SEMA6D: variants seen among roughly 807,000 people sequenced by gnomAD.
SEMA6D encodes semaphorin 6D.
A neutral mutation model predicts 106.6 loss-of-function variants in SEMA6D; 35 were observed. The ratio of observed to expected loss-of-function variants is 0.33; its 90% CI spans 0.25 to 0.44. The LOEUF (loss-of-function observed/expected upper bound fraction) is 0.44. SEMA6D is among the 20% of genes least tolerant of loss of function. SEMA6D has a pLI of 1.00. For missense variants in SEMA6D, 1,185 were observed against 1,345.9 expected, an observed-to-expected ratio of 0.88 and a Z score of 1.87; for synonymous variants, 499 against 487.7, an observed-to-expected ratio of 1.02 and a Z score of -0.31.
At chr15:47,323,811 ATAAT>A (rs1330697447) in intron 1 of SEMA6D, among the ~76,000 whole-genome samples, 4 of 152,286 alleles carry the variant, frequency 2.6e-5, no homozygotes, top group Admixed American at 1.3e-4. Context: ...AGAAATGAAA[ATAAT>A]TAACCTGTTT....
At chr15:47,683,056 CATATTTTTT>C (rs1267025092) in intron 4 of SEMA6D, among the ~76,000 whole-genome samples, 1 of 152,184 alleles carries the variant, frequency 6.6e-6, no homozygotes, top group Non-Finnish European at 1.5e-5. Context: ...AGTCTGTGCA[CATATTTTTT>C]ATATTTTTTA....
At chr15:47,293,296 T>C (rs546987634) in intron 1 of SEMA6D, among the ~76,000 whole-genome samples, 3 of 152,322 alleles carry the variant, frequency 2.0e-5, no homozygotes, top group Admixed American at 2.0e-4. Flanking sequence ...AGCTTTTCAC[T>C]GTTTCCCTAG....
At chr15:47,689,812 G>T (rs902417963) in intron 4 of SEMA6D, among the ~76,000 whole-genome samples, 1 of 152,198 alleles carries the variant, frequency 6.6e-6, no homozygotes, top group Non-Finnish European at 1.5e-5. Context: ...TCTCCGCAGA[G>T]GACTGACTTC....
chr15:47,224,432 A>C (rs1417990125), intron 1 of SEMA6D, among the ~76,000 whole-genome samples: 1 of 152,016 alleles, frequency 6.6e-6, no homozygotes, highest in East Asian at 1.9e-4. Context: ...CTTTTCATAT[A>C]ATAGCTAACT....
rs544002669 is a variant in SEMA6D at position 47,209,280 on chromosome 15, G to A, written c.-239+24862G>A. Among the ~76,000 whole-genome samples, 12 of 152,154 alleles carry A rather than the reference G, an allele frequency of 7.9e-5. No individual in the cohort carries two copies. In the South Asian group the frequency reaches 1.0e-3, roughly 13 times the overall value. On this transcript the variant is annotated intron_variant, in intron 1 of 19. Transcript: ENST00000558014. ...TTTATCTACTTAGAATCTGCAACACGTGAATGTACACTGAATTACCAATAA... is the reference window on the plus strand; with the variant it reads ...TTTATCTACTTAGAATCTGCAACACATGAATGTACACTGAATTACCAATAA...
intron 3 of SEMA6D, among the ~76,000 whole-genome samples, chr15:47,485,074 C>T (rs1281636018): frequency 6.6e-6 from 1 of 152,144 alleles, no homozygotes; most frequent in Admixed American, 6.5e-5. Context: ...CTTTAGAGAA[C>T]ACTTCAAATT....
rs987763997 is a variant in SEMA6D at position 47,615,228 on chromosome 15, C to T, written c.-55+14332C>T. 2.0e-5 allele frequency among the ~76,000 whole-genome samples: 3 copies of T among 152,264 alleles called. No homozygotes were observed. The East Asian group carries it at 5.8e-4, about 29-fold the overall frequency. On this transcript the variant is annotated intron_variant, in intron 4 of 19. Coordinates refer to the SEMA6D transcript ENST00000558014. ...TGCAAATAAAAACAATGCAGTATCA[C>T]TATTTACATAGCATTTACATTGTAT...
At chr15:47,311,769 A>G (rs957224278) in intron 1 of SEMA6D, among the ~76,000 whole-genome samples, 3 of 152,126 alleles carry the variant, frequency 2.0e-5, no homozygotes, top group African/African-American at 7.2e-5. Context: ...GGCTGTTCAT[A>G]TTTCGTCCTT....
At chr15:47,549,774 A>G (rs963076933) in intron 3 of SEMA6D, among the ~76,000 whole-genome samples, 1 of 152,186 alleles carries the variant, frequency 6.6e-6, no homozygotes, top group Non-Finnish European at 1.5e-5. Flanking sequence ...GATTTGTACA[A>G]ACCTTCCTGT....
At chr15:47,653,859 G>C (rs554169199) in intron 4 of SEMA6D, among the ~76,000 whole-genome samples, 1 of 152,292 alleles carries the variant, frequency 6.6e-6, no homozygotes, top group South Asian at 2.1e-4. Flanking sequence ...AGGGATTAAA[G>C]GCCCTTGCCG....
At chr15:47,424,883 A>G (rs980715428) in intron 2 of SEMA6D, among the ~76,000 whole-genome samples, 3 of 152,136 alleles carry the variant, frequency 2.0e-5, no homozygotes, top group African/African-American at 7.2e-5. Flanking sequence ...TGAGGCTTAC[A>G]TAGCCTCTTA....
chr15:47,340,566 A>G (rs1050665373), intron 1 of SEMA6D, among the ~76,000 whole-genome samples: 28 of 152,224 alleles, frequency 1.8e-4, no homozygotes, highest in African/African-American at 6.5e-4. Flanking sequence ...ATAGTTAAAA[A>G]AAATCATTCT....
At chr15:47,707,344 A>G (rs8024211) in intron 4 of SEMA6D, among the ~76,000 whole-genome samples, 9,771 of 152,318 alleles carry the variant, frequency 0.064, 427 homozygotes, top group Middle Eastern at 0.12. Context: ...TCTACACCAC[A>G]CTAAGACCAA....
rs149916534 is a variant in SEMA6D, at chr15:47,447,994, A to T, written c.-158-22480A>T. On this transcript the variant is annotated intron_variant, in intron 2 of 19. Transcript: ENST00000558014. ...AGTTTTCTTTATTGATGGTTGTGGT[A>T]CAACATCAGAGGAAAAGCAGTTTGG... is the stretch of plus-strand genomic sequence containing the variant. Among the ~76,000 whole-genome samples, 267 of 152,276 alleles carry T rather than the reference A, an allele frequency of 1.8e-3. 2 individuals are homozygous for T. The highest frequency in any genetic ancestry group is 6.2e-3 in the African/African-American group (256 of 41,570).
chr15:47,561,722 C>T (rs1240484209), intron 3 of SEMA6D, among the ~76,000 whole-genome samples: 1 of 149,834 alleles, frequency 6.7e-6, no homozygotes, highest in African/African-American at 2.5e-5. Context: ...ATGTGTTTTT[C>T]AATTTCTTAT....
chr15:47,650,697 G>T (rs1168460051), intron 4 of SEMA6D, among the ~76,000 whole-genome samples: 1 of 152,146 alleles, frequency 6.6e-6, no homozygotes, highest in Non-Finnish European at 1.5e-5. Flanking sequence ...ATAGGAAAAT[G>T]CAGATTAAAG....
chr15:47,639,961 A>C (rs2077458917), intron 4 of SEMA6D, among the ~76,000 whole-genome samples: 1 of 152,116 alleles, frequency 6.6e-6, no homozygotes, highest in Admixed American at 6.6e-5. Context: ...TTGGGTAAAA[A>C]CTCTGGATAT....
intron 4 of SEMA6D, among the ~76,000 whole-genome samples, chr15:47,688,625 G>A (rs552228438): frequency 3.4e-4 from 52 of 152,162 alleles, no homozygotes; most frequent in Non-Finnish European, 6.5e-4. Context: ...ACTCTGATTC[G>A]CATTGACTAG....
chr15:47,635,849 G>T (rs1432987931), intron 4 of SEMA6D, among the ~76,000 whole-genome samples: 1 of 151,772 alleles, frequency 6.6e-6, no homozygotes, highest in Non-Finnish European at 1.5e-5. Context: ...CAAATGTCAT[G>T]CATGTTTTAA....
Sources: allele counts gnomAD v4.1 joint callset (sites outside exome capture counted in the v4.1 genomes callset), GRCh38; gene constraint gnomAD v4.1.1; transcripts MANE v1.5; gene names NCBI Gene and HGNC (gene_info 2026-07-23, HGNC 2026-07-21).